The following PRIM2 variants were observed in gnomAD, a reference collection of about 807,000 sequenced individuals.
PRIM2 encodes the protein DNA primase large subunit.
A neutral mutation model predicts 67.3 loss-of-function variants in PRIM2; 39 were observed. The ratio of observed to expected loss-of-function variants is 0.58; its 90% confidence interval spans 0.45 to 0.76. The LOEUF (loss-of-function observed/expected upper bound fraction) is 0.76. Ranked by LOEUF, PRIM2 falls within the 30% of genes least tolerant of loss-of-function variation. PRIM2 has a pLI of 0.00. For synonymous variants in PRIM2, 143 were observed against 198.7 expected (o/e 0.72, Z 2.36); for missense variants, 398 against 598.7 (o/e 0.66, Z 3.50).
At chr6:57,290,959 A>G in the PRIM2 span, among the ~76,000 whole-genome samples, 2 of 152,216 alleles carry the variant, frequency 1.3e-5, no homozygotes, top group Admixed American at 6.5e-5. Flanking sequence ...GCAAGAGCAG[A>G]CAAATTTAAA....
chr6:57,519,025 A>C (rs1554348579), intron 8 of PRIM2, among the ~76,000 whole-genome samples: 1 of 152,212 alleles, frequency 6.6e-6, no homozygotes, highest in African/African-American at 2.4e-5. Context: ...ATCACATGTC[A>C]GTAGGTTCCG....
chr6:57,355,714 A>G (rs1769010117), intron 5 of PRIM2, among the ~76,000 whole-genome samples: 4 of 151,978 alleles, frequency 2.6e-5, no homozygotes, highest in Non-Finnish European at 5.9e-5. Flanking sequence ...TGGTGCGATC[A>G]TGGCTTCACC....
intron 10 of PRIM2, among the ~76,000 whole-genome samples, chr6:57,550,236 A>G (rs1259654169): frequency 1.1e-4 from 16 of 152,180 alleles, no homozygotes; most frequent in African/African-American, 3.9e-4. Flanking sequence ...GAAATTTGTT[A>G]TATTCTCTCT....
At chr6:57,282,879 G>A in the PRIM2 span, among the ~76,000 whole-genome samples, 4 of 152,076 alleles carry the variant, frequency 2.6e-5, no homozygotes, top group African/African-American at 9.7e-5. Context: ...CCTACTAAAC[G>A]AATGTACTTC....
intron 7 of PRIM2, among the ~76,000 whole-genome samples, chr6:57,464,854 T>G (rs1457710623): frequency 6.6e-6 from 1 of 152,198 alleles, no homozygotes; most frequent in African/African-American, 2.4e-5. Context: ...CATGTGTTAT[T>G]ACATTTAATC....
intron 7 of PRIM2, among the ~76,000 whole-genome samples, chr6:57,385,484 A>G (rs1770112623): frequency 6.6e-6 from 1 of 152,192 alleles, no homozygotes; most frequent in African/African-American, 2.4e-5. Flanking sequence ...TTTCCTTCAA[A>G]CAGAACATTT....
the PRIM2 span, among the ~76,000 whole-genome samples, chr6:57,290,218 A>T: frequency 6.6e-6 from 1 of 152,182 alleles, no homozygotes; most frequent in South Asian, 2.1e-4. Context: ...AAACAGACTT[A>T]GTCTCTGATA....
chr6:57,461,146 T>A (rs1263657915), intron 7 of PRIM2, among the ~76,000 whole-genome samples: 2 of 152,220 alleles, frequency 1.3e-5, no homozygotes, highest in East Asian at 3.8e-4. Context: ...GTTTTGAAGA[T>A]AACTCGTGGG....
intron 7 of PRIM2, chr6:57,497,336 A>G (rs1353279866): frequency 7.2e-5 from 11 of 152,156 alleles, no homozygotes; most frequent in Non-Finnish European, 1.3e-4. Context: ...TTATCACTGC[A>G]TATCTCTTAA....
chr6:57,480,625 ATTTTC>A (rs1773597966), intron 7 of PRIM2, among the ~76,000 whole-genome samples: 1 of 151,764 alleles, frequency 6.6e-6, no homozygotes, highest in Non-Finnish European at 1.5e-5. Flanking sequence ...CATTTCTCTG[ATTTTC>A]TTTTCTTCTT....
At chr6:57,515,077 A>C (rs1400009920) in intron 8 of PRIM2, among the ~76,000 whole-genome samples, 1 of 152,210 alleles carries the variant, frequency 6.6e-6, no homozygotes, top group African/African-American at 2.4e-5. Context: ...TTCTTTTGTG[A>C]ACTTGATGCA....
chr6:57,535,434 A>C (rs1203966247), intron 9 of PRIM2, among the ~76,000 whole-genome samples: 2 of 152,130 alleles, frequency 1.3e-5, no homozygotes, highest in African/African-American at 4.8e-5. Context: ...CATTTATTTC[A>C]TGTGTTTAAC....
chr6:57,284,600 A>G, the PRIM2 span, among the ~76,000 whole-genome samples: 1 of 152,156 alleles, frequency 6.6e-6, no homozygotes, highest in South Asian at 2.1e-4. Flanking sequence ...ATGTAAACCA[A>G]TTTTAACCAG....
At position 57,387,319 on chromosome 6, in the gene PRIM2, A is replaced by C. The variant is rs1438195229; in HGVS notation, c.693+5151A>C. Among the ~76,000 whole-genome samples, 10 of 152,174 alleles carry C rather than the reference A, an allele frequency of 6.6e-5. No homozygotes were observed. The East Asian group carries it at 1.5e-3, about 23-fold the overall frequency. On this transcript the variant is annotated intron_variant, in intron 7 of 13. Coordinates refer to ENST00000615550, the MANE Select transcript of PRIM2 (RefSeq NM_000947.5). Reference sequence around the variant, plus strand: ...ACTGACAGATACCAAATAATGATATAAACTTGCTTTTGTTCACAGTTTACT... The same window carrying C: ...ACTGACAGATACCAAATAATGATATCAACTTGCTTTTGTTCACAGTTTACT...
At chr6:57,531,535 G>A (rs1244987803) in intron 8 of PRIM2, among the ~76,000 whole-genome samples, 1 of 152,102 alleles carries the variant, frequency 6.6e-6, no homozygotes, top group African/African-American at 2.4e-5. Flanking sequence ...CATGGAGTTG[G>A]GCATGAGTAG....
At chr6:57,608,759 G>T (rs1776606582) in intron 12 of PRIM2, among the ~76,000 whole-genome samples, 1 of 151,850 alleles carries the variant, frequency 6.6e-6, no homozygotes, top group African/African-American at 2.4e-5. Flanking sequence ...TGCTAGAGTG[G>T]TATTAGCTTA....
intron 7 of PRIM2, among the ~76,000 whole-genome samples, chr6:57,492,218 G>A (rs1554346024): frequency 6.6e-6 from 1 of 152,000 alleles, no homozygotes; most frequent in Non-Finnish European, 1.5e-5. Flanking sequence ...CTTGTGTACC[G>A]GACAGAAGTC....
At chr6:57,240,466 A>G in the PRIM2 span, among the ~76,000 whole-genome samples, 8 of 152,288 alleles carry the variant, frequency 5.3e-5, 1 homozygote, top group African/African-American at 1.9e-4. Context: ...GCTTGCATTC[A>G]GGGAGGAGAC....
chr6:57,325,305 C>T (rs1416385418), intron 4 of PRIM2, among the ~76,000 whole-genome samples: 2 of 141,972 alleles, frequency 1.4e-5, no homozygotes. Context: ...CTCTCTCTCT[C>T]TTTTTTTTTT....
Sources: gnomAD v4.1 joint callset for allele counts (sites outside exome capture counted in the v4.1 genomes callset) on GRCh38, gnomAD v4.1.1 for gene constraint, MANE v1.5 for transcripts, NCBI Gene and HGNC (gene_info 2026-07-23, HGNC 2026-07-21) for gene names.